The following ASPH variants were observed in gnomAD, a reference collection of about 807,000 sequenced individuals.
ASPH encodes the protein aspartate beta-hydroxylase.
In ASPH, 100 loss-of-function variants were observed where a neutral mutation model predicts 118.4. The observed-to-expected ratio is 0.84, with a 90% CI of 0.72 to 1.00. The LOEUF (loss-of-function observed/expected upper bound fraction) is 1.00, where lower values mean the gene tolerates loss of function less well. ASPH is among the 50% of genes least tolerant of loss of function. The pLI is 0.00. For missense variants in ASPH, 920 were observed against 919.5 expected (o/e 1.00, Z -0.01); for synonymous variants, 315 against 325.6 (o/e 0.97, Z 0.35).
intron 13 of ASPH, among the ~76,000 whole-genome samples, chr8:61,630,631 A>G (rs568790596): frequency 6.6e-6 from 1 of 152,346 alleles, no homozygotes; most frequent in Non-Finnish European, 1.5e-5. Flanking sequence ...TCCCAGCACA[A>G]CACATTACTC....
chr8:61,714,284 G>A lies in ASPH; in HGVS notation c.88C>T (p.Pro30Ser). The part of the protein sequence containing the change: ...SGSTSAGSSS[P>S]GARRETKHGG... ...GGCCTCTGACCTCTCCGGGCCCCGGGGCTGCTGCTGCCCGCACTCGTGCTA... is the reference window on the plus strand; with the variant it reads ...GGCCTCTGACCTCTCCGGGCCCCGGAGCTGCTGCTGCCCGCACTCGTGCTA... The change falls in exon 1 of 25, where the codon CCC becomes TCC. Residue 30 changes from proline to serine, a missense_variant. Pro to Ser is a moderately conservative substitution (Grantham distance 74). Transcript: ENST00000379454. The A allele has an allele frequency of 6.6e-7, 1 of 1,519,510 alleles. No individual in the cohort carries two copies. Among genetic ancestry groups the A allele is most frequent in the Non-Finnish European group, 8.8e-7 (1 of 1,135,754 alleles). The allele number at this position is 1,519,510 out of a possible 1,614,324, so 94.1% of individuals were successfully genotyped here.
At chr8:61,551,730 C>A (rs1017280172) in intron 20 of ASPH, among the ~76,000 whole-genome samples, 1 of 152,198 alleles carries the variant, frequency 6.6e-6, no homozygotes, top group Middle Eastern at 3.2e-3. Flanking sequence ...AGTAGTCAGA[C>A]ATGAACATTT....
intron 16 of ASPH, among the ~76,000 whole-genome samples, chr8:61,576,448 A>C (rs891895162): frequency 2.6e-5 from 4 of 152,248 alleles, no homozygotes; most frequent in Non-Finnish European, 5.9e-5. Context: ...GAGAGTCTGA[A>C]AGCTCTGAGG....
At chr8:61,533,199 C>T (rs1818248411) in intron 21 of ASPH, among the ~76,000 whole-genome samples, 2 of 150,814 alleles carry the variant, frequency 1.3e-5, no homozygotes, top group Non-Finnish European at 2.9e-5. Flanking sequence ...TTTCTATCTT[C>T]CATCTTTGCC....
intron 1 of ASPH, chr8:61,684,848 T>G (rs1283309990): frequency 1.3e-5 from 2 of 152,050 alleles, no homozygotes; most frequent in African/African-American, 4.8e-5. Context: ...AATATTCTTC[T>G]TACAGCCAAA....
intron 14 of ASPH, among the ~76,000 whole-genome samples, chr8:61,590,410 C>T (rs12678239): frequency 0.095 from 14,403 of 152,118 alleles, 1,066 homozygotes; most frequent in East Asian, 0.32. Flanking sequence ...AAAACTGTGG[C>T]TCCCATCTGC....
At chr8:61,584,623 CTT>C (rs776789523) in intron 14 of ASPH, among the ~76,000 whole-genome samples, 2 of 73,022 alleles carry the variant, frequency 2.7e-5, no homozygotes, top group South Asian at 7.1e-4. Context: ...TTTCTTCTTT[CTT>C]TCTTTCCTTC....
At chr8:61,676,880 T>C (rs1207515820) in intron 3 of ASPH, among the ~76,000 whole-genome samples, 2 of 152,028 alleles carry the variant, frequency 1.3e-5, no homozygotes, top group South Asian at 2.1e-4. Flanking sequence ...TTAATATAAT[T>C]AGCAGTATTA....
At chr8:61,599,047 A>T (rs1378571472) in intron 14 of ASPH, among the ~76,000 whole-genome samples, 3 of 152,214 alleles carry the variant, frequency 2.0e-5, no homozygotes, top group Non-Finnish European at 4.4e-5. Flanking sequence ...ATGTAGAAAG[A>T]TTTCAAATAA....
chr8:61,699,383 T>C (rs1018571217), intron 1 of ASPH, among the ~76,000 whole-genome samples: 1 of 152,184 alleles, frequency 6.6e-6, no homozygotes, highest in East Asian at 1.9e-4. Context: ...TATTTGTTTA[T>C]AAATTCCAAA....
At chr8:61,581,566 C>G (rs970768567) in intron 15 of ASPH, among the ~76,000 whole-genome samples, 1 of 152,204 alleles carries the variant, frequency 6.6e-6, no homozygotes, top group Non-Finnish European at 1.5e-5. Context: ...TTATGAAGAT[C>G]TACAGCCAAA....
At chr8:61,560,480 C>T (rs1209680531) in intron 18 of ASPH, among the ~76,000 whole-genome samples, 5 of 151,852 alleles carry the variant, frequency 3.3e-5, no homozygotes, top group Non-Finnish European at 7.4e-5. Context: ...TGATCTTTAA[C>T]ATAAACATAT....
intron 24 of ASPH, among the ~76,000 whole-genome samples, chr8:61,511,355 A>G (rs908925588): frequency 3.9e-5 from 6 of 152,170 alleles, no homozygotes; most frequent in Admixed American, 2.6e-4. Context: ...TCAACATTTC[A>G]GGCTAGTAAT....
At chr8:61,682,316 C>T (rs1005082053) in intron 2 of ASPH, 5 of 989,664 alleles carry the variant, frequency 5.1e-6, no homozygotes, top group African/African-American at 1.7e-5. Flanking sequence ...TCTGACAAAC[C>T]CATAATGGGA....
intron 15 of ASPH, among the ~76,000 whole-genome samples, chr8:61,577,399 CAAAAAAAAAAA>C (rs775523503): frequency 8.6e-5 from 2 of 23,280 alleles, no homozygotes; most frequent in South Asian, 2.2e-3. Context: ...CCCAATCTCG[CAAAAAAAAAAA>C]AAAAAAAAAA....
chr8:61,657,485 C>T (rs959728514), intron 3 of ASPH: 7 of 152,076 alleles, frequency 4.6e-5, no homozygotes, highest in African/African-American at 1.7e-4. Flanking sequence ...ATACTGTAGA[C>T]AATTGTAACA....
intron 3 of ASPH, chr8:61,665,751 C>T (rs1819246972): frequency 1.2e-6 from 1 of 815,060 alleles, no homozygotes; most frequent in African/African-American, 1.8e-5. Context: ...ATTCACTAGT[C>T]TTTATGGTGG....
At chr8:61,587,034 C>A (rs1282633601) in intron 14 of ASPH, among the ~76,000 whole-genome samples, 1 of 152,166 alleles carries the variant, frequency 6.6e-6, no homozygotes, top group African/African-American at 2.4e-5. Context: ...ATCTGTTATT[C>A]CTGATTATCC....
chr8:61,616,771 C>A (rs965604231), intron 14 of ASPH, among the ~76,000 whole-genome samples: 1 of 152,206 alleles, frequency 6.6e-6, no homozygotes, highest in African/African-American at 2.4e-5. Context: ...TAATTCACCA[C>A]CCCTTCTGCC....
Sources: gnomAD v4.1 joint callset for allele counts (sites outside exome capture counted in the v4.1 genomes callset) on GRCh38, gnomAD v4.1.1 for gene constraint, MANE v1.5 for transcripts, NCBI Gene and HGNC (gene_info 2026-07-23, HGNC 2026-07-21) for gene names.